ACTR3: variants seen among roughly 807,000 people sequenced by gnomAD.
ACTR3 encodes the protein actin related protein 3.
ACTR3 carries 12 observed loss-of-function variants against 56.8 expected under a neutral mutation model. The observed-to-expected ratio is 0.21, with a 90% CI of 0.14 to 0.34. The LOEUF is 0.34. Ranked by LOEUF, ACTR3 falls within the 10% of genes least tolerant of loss-of-function variation. The pLI, the probability that ACTR3 is intolerant of heterozygous loss-of-function variation, is 1.00. For synonymous variants in ACTR3, 162 were observed against 167.4 expected (o/e 0.97, Z 0.25); for missense variants, 282 against 512.5 (o/e 0.55, Z 4.34).
intron 5 of ACTR3, among the ~76,000 whole-genome samples, chr2:113,931,995 T>A (rs952778595): frequency 2.6e-5 from 4 of 152,096 alleles, no homozygotes; most frequent in African/African-American, 9.7e-5. Flanking sequence ...TTTTTGTTTC[T>A]GTTTTTTGTG....
chr2:113,939,896 T>C, intron 6 of ACTR3, 63 bp from the exon 7 acceptor site: 4 of 1,467,436 alleles, frequency 2.7e-6, no homozygotes, highest in Middle Eastern at 2.0e-4. Context: ...GGTTCATATT[T>C]TTGGGTTATA....
intron 1 of ACTR3, among the ~76,000 whole-genome samples, chr2:113,901,459 A>T (rs1420212154): frequency 6.6e-6 from 1 of 152,262 alleles, no homozygotes; most frequent in Non-Finnish European, 1.5e-5. Flanking sequence ...GGGAGTAGGC[A>T]TTGGGATCAA....
rs1680195408 is a variant in ACTR3 at position 113,955,605 on chromosome 2, T to A, written c.1078-18T>A. The A allele has an allele frequency of 3.2e-6, 5 of 1,561,556 alleles. No individual in the cohort carries two copies. In the South Asian group the frequency reaches 5.6e-5, roughly 18 times the overall value. ...TTTGAATTTACTATGAAGATGATCATACTATGTCTTTCTTTAGCCAAAACC... is the reference window on the plus strand; with the variant it reads ...TTTGAATTTACTATGAAGATGATCAAACTATGTCTTTCTTTAGCCAAAACC... On this transcript the variant is annotated intron_variant, in intron 10 of 11. Transcript: ENST00000263238.
At position 113,959,481 on chromosome 2, in the gene ACTR3, A is replaced by C. The variant is rs1233920835; in HGVS notation, c.*2026A>C. On this transcript the variant is annotated 3_prime_UTR_variant, in exon 12 of 12. Transcript: ENST00000263238. ...AAGCTATTTGATGACAATCTCAGGCATATTTATACAGAGATGTTCTTAACT... is the reference window on the plus strand; with the variant it reads ...AAGCTATTTGATGACAATCTCAGGCCTATTTATACAGAGATGTTCTTAACT... 1 of 152,076 alleles carries C rather than the reference A, an allele frequency of 6.6e-6. No homozygotes were observed. Among genetic ancestry groups the C allele is most frequent in the African/African-American group, 2.4e-5 (1 of 41,442 alleles). 9.4% of individuals were successfully genotyped at this position (152,076 alleles called of 1,614,324 possible).
intron 1 of ACTR3, among the ~76,000 whole-genome samples, chr2:113,910,541 G>A (rs1410112070): frequency 6.6e-6 from 1 of 152,184 alleles, no homozygotes; most frequent in African/African-American, 2.4e-5. Context: ...GGTGTCTGAA[G>A]AAGGGGGGCA....
intron 3 of ACTR3, 51 bp from the exon 4 acceptor site, chr2:113,927,290 ATTTG>A: frequency 3.3e-6 from 4 of 1,201,688 alleles, no homozygotes; most frequent in Non-Finnish European, 4.6e-6. Context: ...TTGTATTTTT[ATTTG>A]TTTTTTATAT....
chr2:113,936,839 C>G (rs890180662), intron 6 of ACTR3, among the ~76,000 whole-genome samples: 1 of 152,112 alleles, frequency 6.6e-6, no homozygotes, highest in Admixed American at 6.5e-5. Flanking sequence ...TGAAGACTTT[C>G]TTCTTGGCTT....
rs1680289324 is a variant in ACTR3 at position 113,959,549 on chromosome 2, T to TA, written c.*2095dup. 6.6e-6 allele frequency: 1 copy of TA among 152,098 alleles called. No individual in the cohort carries two copies. Among genetic ancestry groups the TA allele is most frequent in the Admixed American group, 6.6e-5 (1 of 15,258 alleles). 9.4% of individuals were successfully genotyped at this position (152,098 alleles called of 1,614,324 possible). On this transcript the variant is annotated 3_prime_UTR_variant, in exon 12 of 12. Coordinates refer to ENST00000263238, the MANE Select transcript of ACTR3 (RefSeq NM_005721.5). ...GAAGATCAAAAACTTTCTTGAAGCT[T>TA]ACGCTTAACTTATTTGGGGAAACAA...
chr2:113,933,214 A>C (rs1679755552), intron 5 of ACTR3, among the ~76,000 whole-genome samples: 1 of 152,126 alleles, frequency 6.6e-6, no homozygotes, highest in Non-Finnish European at 1.5e-5. Context: ...GTTACCTTAA[A>C]AAAATTTGAA....
At chr2:113,905,136 A>G (rs1679169956) in intron 1 of ACTR3, 1 of 152,048 alleles carries the variant, frequency 6.6e-6, no homozygotes, top group African/African-American at 2.4e-5. Flanking sequence ...AAACTATATC[A>G]CATTTTCTTT....
At chr2:113,925,231 T>TATCGCCCA (rs1310108782) in intron 3 of ACTR3, among the ~76,000 whole-genome samples, 41 of 142,530 alleles carry the variant, frequency 2.9e-4, no homozygotes. Context: ...AGTCTTACTC[T>TATCGCCCA]ATCGCCCAGG....
At chr2:113,940,507 T>C (rs953373853) in intron 7 of ACTR3, among the ~76,000 whole-genome samples, 6 of 152,188 alleles carry the variant, frequency 3.9e-5, no homozygotes, top group African/African-American at 1.4e-4. Context: ...CATTGTGCTA[T>C]AGTATAGAAG....
intron 1 of ACTR3, chr2:113,904,886 TCCTC>T (rs1679165612): frequency 6.6e-6 from 1 of 152,216 alleles, no homozygotes; most frequent in African/African-American, 2.4e-5. Flanking sequence ...TTCTTTTGTT[TCCTC>T]CCTTCCTGTC....
chr2:113,908,063 A>C (rs1268869463), intron 1 of ACTR3, among the ~76,000 whole-genome samples: 1 of 151,938 alleles, frequency 6.6e-6, no homozygotes. Context: ...TTTAGAGAGC[A>C]ACAAACATGT....
Position 113,956,935 on chromosome 2 carries a change from C to T in ACTR3, c.1162-425C>T, listed in dbSNP as rs1191151706. ...ACCTTGAATGAGGAAGGCAAATGATCTAGACATTTCTTAGAACTAGACGAA... is the reference window on the plus strand; with the variant it reads ...ACCTTGAATGAGGAAGGCAAATGATTTAGACATTTCTTAGAACTAGACGAA... On this transcript the variant is annotated intron_variant, in intron 11 of 11. Coordinates refer to ENST00000263238, the MANE Select transcript of ACTR3 (RefSeq NM_005721.5). 1.3e-5 allele frequency among the ~76,000 whole-genome samples: 2 copies of T among 152,300 alleles called. 1 individual carries two copies. Among genetic ancestry groups the T allele is most frequent in the South Asian group, 4.1e-4 (2 of 4,834 alleles).
intron 3 of ACTR3, among the ~76,000 whole-genome samples, chr2:113,925,108 G>T (rs1038193853): frequency 6.6e-6 from 1 of 151,646 alleles, no homozygotes; most frequent in African/African-American, 2.4e-5. Flanking sequence ...TATTGGCCAG[G>T]CTGGTCTTGA....
Position 113,960,720 on chromosome 2 carries a change from T to C in ACTR3, c.*3265T>C, listed in dbSNP as rs1312890726. ...CCTGTGACCCATTCTTTCTGATCTT[T>C]CGTAGTTCATAGTCACCAGGCATGA... On this transcript the variant is annotated 3_prime_UTR_variant, in exon 12 of 12. Coordinates refer to ENST00000263238, the MANE Select transcript of ACTR3 (RefSeq NM_005721.5). 6.6e-6 allele frequency: 1 copy of C among 151,992 alleles called. No individual in the cohort carries two copies. Among genetic ancestry groups the C allele is most frequent in the Non-Finnish European group, 1.5e-5 (1 of 67,892 alleles). 9.4% of individuals were successfully genotyped at this position (151,992 alleles called of 1,614,324 possible). A position where few individuals can be genotyped will look rare whatever the true frequency, so the allele number is the denominator to read the frequency against.
intron 1 of ACTR3, among the ~76,000 whole-genome samples, chr2:113,896,746 A>G (rs1679016108): frequency 6.6e-6 from 1 of 152,262 alleles, no homozygotes; most frequent in Non-Finnish European, 1.5e-5. Flanking sequence ...TATGTGATCT[A>G]GCTTCTTGAG....
At chr2:113,937,575 T>C (rs1360566395) in intron 6 of ACTR3, among the ~76,000 whole-genome samples, 6 of 152,234 alleles carry the variant, frequency 3.9e-5, no homozygotes, top group Non-Finnish European at 5.9e-5. Context: ...GTACATCCTT[T>C]GAAAAAGTCT....
Sources: gnomAD v4.1 joint callset for allele counts (sites outside exome capture counted in the v4.1 genomes callset) on GRCh38, gnomAD v4.1.1 for gene constraint, MANE v1.5 for transcripts, NCBI Gene and HGNC (gene_info 2026-07-23, HGNC 2026-07-21) for gene names.